MYLK: variants seen among roughly 807,000 people sequenced by gnomAD.
MYLK encodes myosin light chain kinase, smooth muscle.
A neutral mutation model predicts 203.4 loss-of-function variants in MYLK; 106 were observed. The observed-to-expected ratio is 0.52, with a 90% confidence interval of 0.45 to 0.61. MYLK has a LOEUF of 0.61. Among genes scored for constraint, MYLK ranks in the 20% least tolerant of loss-of-function variants. MYLK has a pLI of 0.00. For synonymous variants in MYLK, 867 were observed against 959.5 expected, an observed-to-expected ratio of 0.90 and a Z score of 1.78; for missense variants, 2,072 against 2,442.3, an observed-to-expected ratio of 0.85 and a Z score of 3.20.
intron 19 of MYLK, among the ~76,000 whole-genome samples, chr3:123,690,315 G>C (rs1489526324): frequency 2.0e-5 from 3 of 152,240 alleles, no homozygotes; most frequent in Admixed American, 6.5e-5. Context: ...AACGTATTCT[G>C]ATTCATGACT....
Position 123,709,157 on chromosome 3 carries a change from T to TG in MYLK, c.1943-263dup, listed in dbSNP as rs1491314715. 1.1e-5 allele frequency: 3 copies of TG among 280,390 alleles called. No homozygotes were observed. In the Admixed American group the frequency reaches 1.5e-4, roughly 14 times the overall value. 17.4% of individuals were successfully genotyped at this position (280,390 alleles called of 1,614,324 possible). On this transcript the variant is annotated intron_variant, in intron 14 of 33. Transcript: ENST00000360304. ...TAATTTTTTTTTTTTTTTTTTTTTT[T>TG]GAGACAGAGTCTTTGCTCTGTCGCC...
intron 3 of MYLK, among the ~76,000 whole-genome samples, chr3:123,804,763 CTATGCAGTTTAGGGGAGGCA>C (rs2065311090): frequency 6.6e-6 from 1 of 152,170 alleles, no homozygotes; most frequent in Non-Finnish European, 1.5e-5. Context: ...CTGGTCCTCT[CTATGCAGTTTAGGGGAGGCA>C]CCAGGTCCCA....
At chr3:123,674,978 AGCATAGTACCTGGCAC>A (rs1283300196) in intron 20 of MYLK, among the ~76,000 whole-genome samples, 3 of 152,270 alleles carry the variant, frequency 2.0e-5, no homozygotes, top group Non-Finnish European at 4.4e-5. Flanking sequence ...TGCAGTGCCT[AGCATAGTACCTGGCAC>A]ATGCCTGATA....
At chr3:123,793,913 C>A (rs1468130089) in intron 3 of MYLK, 69 bp from the exon 4 acceptor site, 1 of 1,569,896 alleles carries the variant, frequency 6.4e-7, no homozygotes, top group East Asian at 2.2e-5. Flanking sequence ...CTTCAGGCAT[C>A]AGGTGTGTCC....
At chr3:123,646,230 A>ATG (rs1293841896) in intron 27 of MYLK, among the ~76,000 whole-genome samples, 2 of 152,016 alleles carry the variant, frequency 1.3e-5, no homozygotes, top group African/African-American at 2.4e-5. Flanking sequence ...GAATATATAT[A>ATG]TGTGTGTGTG....
At position 123,642,648 on chromosome 3, in the gene MYLK, G is replaced by A. The variant is rs2058877906; in HGVS notation, c.4620-2144C>T. Reference sequence around the variant, plus strand: ...CTCCATTTCTATTGCTCTCTGCCAAGGCTCCAAGACAAACTCTCATCTACA... The same window carrying A: ...CTCCATTTCTATTGCTCTCTGCCAAAGCTCCAAGACAAACTCTCATCTACA... On this transcript the variant is annotated intron_variant, in intron 27 of 33. Coordinates refer to ENST00000360304, the MANE Select transcript of MYLK (RefSeq NM_053025.4). This position sits in a 1 kb window ranked among gnomAD's most constrained non-coding sequence, Gnocchi z 4.2. 6.6e-6 allele frequency among the ~76,000 whole-genome samples: 1 copy of A among 152,218 alleles called. No individual in the cohort carries two copies. The highest frequency in any genetic ancestry group is 1.9e-4 in the East Asian group (1 of 5,196).
intron 23 of MYLK, among the ~76,000 whole-genome samples, chr3:123,661,616 G>A (rs1048837649): frequency 1.3e-5 from 2 of 152,118 alleles, no homozygotes; most frequent in Non-Finnish European, 2.9e-5. Flanking sequence ...AAAAGAACAG[G>A]GTCAGAGGAA....
At chr3:123,641,793 T>C (rs1576406866) in intron 27 of MYLK, among the ~76,000 whole-genome samples, 2 of 104,486 alleles carry the variant, frequency 1.9e-5, no homozygotes, top group Non-Finnish European at 1.9e-5. Context: ...CCTCCCTTCC[T>C]CCCTTCCCTC....
intron 20 of MYLK, among the ~76,000 whole-genome samples, chr3:123,679,985 C>T (rs145665327): frequency 3.3e-4 from 51 of 152,284 alleles, no homozygotes; most frequent in South Asian, 1.0e-3. Flanking sequence ...CTGCACATGA[C>T]GTGACCTGGA....
At chr3:123,699,716 C>T (rs1297336940) in intron 18 of MYLK, among the ~76,000 whole-genome samples, 3 of 152,224 alleles carry the variant, frequency 2.0e-5, no homozygotes, top group East Asian at 1.9e-4. Flanking sequence ...CCACAGGTGG[C>T]GGTGCCATGA....
chr3:123,664,210 T>C lies in MYLK; in HGVS notation c.3880A>G (p.Lys1294Glu). 6.2e-7 allele frequency: 1 copy of C among 1,614,156 alleles called. No individual in the cohort carries two copies. The highest frequency in any genetic ancestry group is 8.5e-7 in the Non-Finnish European group (1 of 1,180,028). Residue 1294 changes from lysine (K) to glutamate (E), a missense_variant, in exon 23 of 34, where the codon AAG (lysine) becomes GAG (glutamate). Lys to Glu is a moderately conservative substitution (Grantham distance 56). Transcript: ENST00000360304. ...TGGCGCGCGGCCAGGATGGTGAGCT[T>C]GCTGCCATTCTCGCTGTTCTCCACC... ...MKVENSENGS[K>E]LTILAARQEH... is the part of the protein sequence containing the mutation.
intron 4 of MYLK, among the ~76,000 whole-genome samples, chr3:123,790,719 GGCA>G (rs2064746514): frequency 6.6e-6 from 1 of 152,190 alleles, no homozygotes; most frequent in African/African-American, 2.4e-5. Context: ...ACTTCTGATT[GGCA>G]GCTCCAAAGG....
intron 2 of MYLK, among the ~76,000 whole-genome samples, chr3:123,854,018 T>G (rs1351482314): frequency 1.3e-5 from 2 of 151,844 alleles, no homozygotes; most frequent in African/African-American, 2.4e-5. Context: ...GTCTACCATG[T>G]GAATACCCCA....
intron 2 of MYLK, among the ~76,000 whole-genome samples, chr3:123,859,855 G>C (rs1349402145): frequency 6.6e-6 from 1 of 151,910 alleles, no homozygotes; most frequent in African/African-American, 2.4e-5. Context: ...GTAACGTGTG[G>C]GGATCAAATT....
intron 20 of MYLK, among the ~76,000 whole-genome samples, chr3:123,669,423 CT>C (rs11337964): frequency 0.87 from 125,024 of 144,324 alleles, 55,215 homozygotes; most frequent in Non-Finnish European, 0.97. Context: ...AGAGGAAAGG[CT>C]TTTTTTTTTT....
At chr3:123,790,237 G>T (rs936008137) in intron 4 of MYLK, among the ~76,000 whole-genome samples, 14 of 152,186 alleles carry the variant, frequency 9.2e-5, no homozygotes, top group Admixed American at 8.5e-4. Context: ...GAGCACCAGT[G>T]ATGTCTTTTT....
chr3:123,711,707 G>T (rs1486900533), intron 13 of MYLK, among the ~76,000 whole-genome samples: 1 of 152,174 alleles, frequency 6.6e-6, no homozygotes, highest in Non-Finnish European at 1.5e-5. Context: ...TTTTTGGCAG[G>T]TTCAACTGTT....
intron 4 of MYLK, among the ~76,000 whole-genome samples, chr3:123,787,483 C>T (rs1306797150): frequency 6.6e-6 from 1 of 152,134 alleles, no homozygotes; most frequent in African/African-American, 2.4e-5. Context: ...CGTGGTTCTC[C>T]TCAGGGGCAC....
chr3:123,785,377 G>A (rs909309467), intron 4 of MYLK, among the ~76,000 whole-genome samples: 1 of 152,160 alleles, frequency 6.6e-6, no homozygotes, highest in Non-Finnish European at 1.5e-5. Flanking sequence ...TCATACTGCT[G>A]CTTTCCCTTT....
Sources: allele counts gnomAD v4.1 joint callset (sites outside exome capture counted in the v4.1 genomes callset), GRCh38; gene constraint gnomAD v4.1.1; non-coding constraint Gnocchi (gnomAD v3.1); transcripts MANE v1.5; gene names NCBI Gene and HGNC (gene_info 2026-07-23, HGNC 2026-07-21).